The following BIRC6 variants were observed in gnomAD, a reference collection of about 807,000 sequenced individuals.
The protein encoded by BIRC6 is dual E2 ubiquitin-conjugating enzyme/E3 ubiquitin-protein ligase BIRC6.
Under a neutral mutation model 503.3 loss-of-function variants are expected in BIRC6, and 98 were observed. The ratio of observed to expected loss-of-function variants is 0.19; its 90% CI spans 0.17 to 0.23. The LOEUF is 0.23. Ranked by LOEUF, BIRC6 falls within the 10% of genes least tolerant of loss-of-function variation. The pLI is 1.00. For synonymous variants in BIRC6, 2,240 were observed against 2,078.7 expected (o/e 1.08, Z -2.11); for missense variants, 5,360 against 5,806.0 (o/e 0.92, Z 2.50).
chr2:32,402,073 A>C (rs752320109), intron 8 of BIRC6, among the ~76,000 whole-genome samples: 2 of 152,190 alleles, frequency 1.3e-5, no homozygotes, highest in Non-Finnish European at 2.9e-5. Context: ...AGGCAAGAGG[A>C]TCTAATTGTT....
chr2:32,518,161 C>T (rs2055262890), intron 55 of BIRC6, 93 bp from the exon 56 acceptor site: 1 of 1,208,186 alleles, frequency 8.3e-7, no homozygotes, highest in South Asian at 1.4e-5. Context: ...TTAAAATAAA[C>T]TTATTCATAT....
At chr2:32,582,121 AGTGTTGGGATTACAG>A (rs1282625102) in intron 66 of BIRC6, among the ~76,000 whole-genome samples, 1 of 152,144 alleles carries the variant, frequency 6.6e-6, no homozygotes, top group Admixed American at 6.5e-5. Context: ...CGCCTCCCAA[AGTGTTGGGATTACAG>A]GTGTGAGCCA....
rs755254977 is a variant in BIRC6 at position 32,401,359 on chromosome 2, A to G, written c.1231A>G (p.Ile411Val). The part of the protein sequence containing the change: ...AAATKRGKIC[I>V]WDVSKLMKVH... ...TGCAACTAAACGAGGAAAGATCTGC[A>G]TATGGGATGTTTCCAAACTTATGAA... The change falls in exon 7 of 74, where the codon ATA becomes GTA. Residue 411 changes from isoleucine (I) to valine (V), a missense_variant. By Grantham distance (29) the Ile-to-Val change is conservative. Around this residue, in one of 16 missense-constraint regions of BIRC6, gnomAD observed 92 missense variants for 176.7 expected, o/e 0.52. Coordinates refer to ENST00000421745, the MANE Select transcript of BIRC6 (RefSeq NM_016252.4). 6.2e-7 allele frequency: 1 copy of G among 1,614,054 alleles called. No individual in the cohort carries two copies. The highest frequency in any genetic ancestry group is 1.1e-5 in the South Asian group (1 of 91,092).
chr2:32,372,498 T>C (rs562761518), intron 1 of BIRC6, among the ~76,000 whole-genome samples: 145 of 152,318 alleles, frequency 9.5e-4, no homozygotes, highest in Non-Finnish European at 1.8e-3. Flanking sequence ...TATTACTGAA[T>C]AGTATTCCAT....
intron 36 of BIRC6, 93 bp downstream of exon 36, chr2:32,478,911 A>T: frequency 8.2e-7 from 1 of 1,226,080 alleles, no homozygotes. Context: ...CCCTAGAGGG[A>T]TCTTTAACCC....
intron 10 of BIRC6, among the ~76,000 whole-genome samples, chr2:32,427,926 C>T (rs2043707240): frequency 1.3e-5 from 2 of 152,148 alleles, no homozygotes; most frequent in Admixed American, 1.3e-4. Flanking sequence ...ACTGTTGAAT[C>T]TGTGAAATCT....
chr2:32,612,559 T>C (rs1415164416), intron 73 of BIRC6, among the ~76,000 whole-genome samples: 2 of 152,070 alleles, frequency 1.3e-5, no homozygotes, highest in Non-Finnish European at 2.9e-5. Flanking sequence ...TGATAAGGAT[T>C]TGTTAGTTTT....
intron 10 of BIRC6, among the ~76,000 whole-genome samples, chr2:32,425,080 G>A (rs1341662956): frequency 7.2e-6 from 1 of 139,218 alleles, no homozygotes; most frequent in Non-Finnish European, 1.5e-5. Context: ...ATCTATTCAT[G>A]TCCTTGTCCA....
intron 46 of BIRC6, among the ~76,000 whole-genome samples, chr2:32,500,481 G>A (rs1353389181): frequency 6.6e-6 from 1 of 150,624 alleles, no homozygotes; most frequent in South Asian, 2.1e-4. Context: ...ACAATGGCGC[G>A]ATCTCGGCTC....
intron 1 of BIRC6, among the ~76,000 whole-genome samples, chr2:32,361,903 T>A (rs1162291140): frequency 6.6e-6 from 1 of 152,242 alleles, no homozygotes; most frequent in East Asian, 1.9e-4. Context: ...TATTCCATTG[T>A]CTGGATGTAG....
chr2:32,452,768 C>A (rs951448732), intron 22 of BIRC6, among the ~76,000 whole-genome samples: 2 of 151,968 alleles, frequency 1.3e-5, no homozygotes, highest in African/African-American at 4.8e-5. Context: ...AAAAAAGTTG[C>A]GTTAATTCCT....
At chr2:32,447,665 T>G (rs1207002768) in intron 21 of BIRC6, among the ~76,000 whole-genome samples, 4 of 52,496 alleles carry the variant, frequency 7.6e-5, no homozygotes, top group African/African-American at 2.4e-4. Flanking sequence ...TGACCCCCCC[T>G]CCCCCCTCCC....
At chr2:32,519,019 A>C in intron 57 of BIRC6, 73 bp downstream of exon 57, 1 of 1,432,414 alleles carries the variant, frequency 7.0e-7, no homozygotes, top group Non-Finnish European at 9.5e-7. Flanking sequence ...TGTTTTTATA[A>C]CTTTATTTTC....
chr2:32,578,794 G>A (rs1184918143), intron 66 of BIRC6, among the ~76,000 whole-genome samples: 3 of 150,886 alleles, frequency 2.0e-5, no homozygotes, highest in Non-Finnish European at 4.4e-5. Context: ...GGGAAACTCT[G>A]TCTCAAAAAA....
intron 53 of BIRC6, 76 bp from the exon 54 acceptor site, chr2:32,512,857 A>G: frequency 9.4e-7 from 1 of 1,060,368 alleles, no homozygotes; most frequent in East Asian, 2.4e-5. Context: ...CTCACCATGC[A>G]GAGATGGTAT....
chr2:32,461,872 A>C (rs1231537259), intron 23 of BIRC6, among the ~76,000 whole-genome samples: 1 of 152,094 alleles, frequency 6.6e-6, no homozygotes, highest in South Asian at 2.1e-4. Flanking sequence ...AACTTTGCCT[A>C]GTTAGTACTT....
At chr2:32,604,917 G>T in intron 71 of BIRC6, among the ~76,000 whole-genome samples, 2 of 145,414 alleles carry the variant, frequency 1.4e-5, no homozygotes, top group Non-Finnish European at 1.5e-5. Flanking sequence ...TTTGAGACAG[G>T]GTCTCACTCT....
At position 32,487,840 on chromosome 2, in the gene BIRC6, T is replaced by C. The variant is rs2051176805; in HGVS notation, c.7968+39T>C. The C allele has an allele frequency of 2.6e-6, 4 of 1,528,396 alleles. No individual in the cohort carries two copies. The African/African-American group carries it at 4.1e-5, about 16-fold the overall frequency. The allele number at this position is 1,528,396 out of a possible 1,614,324, so 94.7% of individuals were successfully genotyped here. A position where few individuals can be genotyped will look rare whatever the true frequency, so the allele number is the denominator to read the frequency against. ...AGAAATGGTGTATTTTTACATATTA[T>C]TGTTAGCCTGGTAAAAGATGAAACT... On this transcript the variant is annotated intron_variant, in intron 41 of 73. Coordinates refer to ENST00000421745, the MANE Select transcript of BIRC6 (RefSeq NM_016252.4).
At position 32,415,844 on chromosome 2, in the gene BIRC6, T is replaced by C; in HGVS notation, c.2553T>C (p.Asp851=). 1.2e-6 allele frequency: 2 copies of C among 1,613,790 alleles called. No individual in the cohort carries two copies. The change falls in exon 10 of 74, where the codon GAT becomes GAC. Residue 851 remains aspartate (D), a synonymous_variant. Transcript: ENST00000421745. The stretch of plus-strand genomic sequence containing the variant: ...CAATAAAAATACAACATATCAAAGA[T>C]CCCCAGGACACAATTACCTCGCTCA... The part of the protein sequence containing the change: ...EEPIKIQHIK[D]PQDTITSLIL...
Sources: allele counts gnomAD v4.1 joint callset (sites outside exome capture counted in the v4.1 genomes callset), GRCh38; gene constraint gnomAD v4.1.1; regional missense constraint gnomAD v4.1.1; transcripts MANE v1.5; gene names NCBI Gene and HGNC (gene_info 2026-07-23, HGNC 2026-07-21).